The following C12orf42 variants were observed in gnomAD, a reference collection of about 807,000 sequenced individuals.
C12orf42 encodes uncharacterized protein C12orf42.
A neutral mutation model predicts 21.6 loss-of-function variants in C12orf42; 25 were observed. The ratio of observed to expected loss-of-function variants is 1.16; its 90% CI spans 0.84 to 1.62. The LOEUF (loss-of-function observed/expected upper bound fraction) is 1.62, where lower values mean the gene tolerates loss of function less well. C12orf42 is among the 40% of genes most tolerant of loss of function. The pLI is 0.00. For synonymous variants in C12orf42, 174 were observed against 175.0 expected, an observed-to-expected ratio of 0.99 and a Z score of 0.05; for missense variants, 483 against 459.3, an observed-to-expected ratio of 1.05 and a Z score of -0.47.
intron 2 of C12orf42, among the ~76,000 whole-genome samples, chr12:103,444,441 G>A (rs536074442): frequency 7.8e-4 from 118 of 152,062 alleles, no homozygotes; most frequent in African/African-American, 2.8e-3. Context: ...ATATAATACC[G>A]ACTTTTTGAA....
chr12:103,453,974 A>G (rs1356061105), intron 2 of C12orf42, among the ~76,000 whole-genome samples: 1 of 152,064 alleles, frequency 6.6e-6, no homozygotes, highest in Admixed American at 6.6e-5. Flanking sequence ...AAACACCTGG[A>G]TAATTGTTAC....
intron 4 of C12orf42, among the ~76,000 whole-genome samples, chr12:103,318,152 G>T (rs547683477): frequency 5.6e-4 from 85 of 152,188 alleles, no homozygotes; most frequent in African/African-American, 1.9e-3. Flanking sequence ...AGCCAGGTAT[G>T]GTGGCATGTG....
chr12:103,234,564 G>C (rs2033411131), downstream of C12orf42, among the ~76,000 whole-genome samples: 2 of 152,122 alleles, frequency 1.3e-5, no homozygotes, highest in African/African-American at 4.8e-5. Context: ...CTAGTGTACT[G>C]GGGGATCATG....
At chr12:103,226,153 G>C in the C12orf42 span, among the ~76,000 whole-genome samples, 2,036 of 152,338 alleles carry the variant, frequency 0.013, 17 homozygotes, top group South Asian at 0.029. Flanking sequence ...GCAAGCTCCT[G>C]GGGGAGGAGG....
chr12:103,501,348 T>C, the C12orf42 span, among the ~76,000 whole-genome samples: 1 of 152,216 alleles, frequency 6.6e-6, no homozygotes, highest in Non-Finnish European at 1.5e-5. Context: ...GAGATAAAAG[T>C]GTGCCGTTCT....
chr12:103,411,446 T>C (rs1292676210), intron 2 of C12orf42, among the ~76,000 whole-genome samples: 1 of 152,188 alleles, frequency 6.6e-6, no homozygotes, highest in East Asian at 1.9e-4. Flanking sequence ...GAAAGTAAAA[T>C]TGTGATACAA....
the C12orf42 span, among the ~76,000 whole-genome samples, chr12:103,228,421 T>A: frequency 6.6e-6 from 1 of 152,108 alleles, no homozygotes; most frequent in South Asian, 2.1e-4. Context: ...TCTTTTGTAG[T>A]GGAATGTCAT....
the C12orf42 span, among the ~76,000 whole-genome samples, chr12:103,211,865 TC>T: frequency 2.6e-5 from 4 of 152,226 alleles, no homozygotes; most frequent in East Asian, 7.7e-4. Context: ...CAAATATTTT[TC>T]TCAGTCCCTT....
chr12:103,475,137 T>C (rs1296419397), intron 2 of C12orf42, among the ~76,000 whole-genome samples: 4 of 152,206 alleles, frequency 2.6e-5, no homozygotes, highest in African/African-American at 9.7e-5. Context: ...GAGAAGACAA[T>C]TGTTTTCTAT....
At chr12:103,355,585 T>C (rs2043472764) in intron 4 of C12orf42, among the ~76,000 whole-genome samples, 2 of 152,078 alleles carry the variant, frequency 1.3e-5, no homozygotes, top group African/African-American at 4.8e-5. Context: ...CCTCCTGCTG[T>C]ATAGCCAAGG....
chr12:103,167,846 G>A, the C12orf42 span, among the ~76,000 whole-genome samples: 3 of 151,570 alleles, frequency 2.0e-5, no homozygotes, highest in East Asian at 5.8e-4. Flanking sequence ...GAAACAGAAA[G>A]AAATATGTAA....
At chr12:103,229,753 T>G in the C12orf42 span, among the ~76,000 whole-genome samples, 1 of 152,240 alleles carries the variant, frequency 6.6e-6, no homozygotes. Context: ...ATTTTTTACT[T>G]TTATTCTTCT....
the C12orf42 span, among the ~76,000 whole-genome samples, chr12:103,122,200 T>C: frequency 6.6e-6 from 1 of 152,220 alleles, no homozygotes; most frequent in Non-Finnish European, 1.5e-5. Flanking sequence ...TTTCCCCAAC[T>C]CTTCTCTCTG....
At chr12:103,441,561 TGAGC>T (rs1306814067) in intron 2 of C12orf42, 1 of 152,138 alleles carries the variant, frequency 6.6e-6, no homozygotes, top group African/African-American at 2.4e-5. Context: ...TCCAAGGCAA[TGAGC>T]AGCACCTAAT....
the C12orf42 span, among the ~76,000 whole-genome samples, chr12:103,507,283 T>TATATATA: frequency 1.1e-5 from 1 of 90,402 alleles, no homozygotes; most frequent in African/African-American, 4.8e-5. Context: ...TTATATATAT[T>TATATATA]TTTTTTTAAC....
At chr12:103,381,093 A>T (rs557379465) in intron 3 of C12orf42, among the ~76,000 whole-genome samples, 68 of 152,334 alleles carry the variant, frequency 4.5e-4, no homozygotes, top group Middle Eastern at 3.4e-3. Flanking sequence ...ACTCATTCTG[A>T]CACTATCCTG....
At chr12:103,130,596 T>G in the C12orf42 span, among the ~76,000 whole-genome samples, 4 of 152,024 alleles carry the variant, frequency 2.6e-5, no homozygotes, top group Non-Finnish European at 4.4e-5. Context: ...GGGAGTAGGT[T>G]GTGGTTCAGC....
At chr12:103,088,865 A>G in the C12orf42 span, among the ~76,000 whole-genome samples, 33 of 152,132 alleles carry the variant, frequency 2.2e-4, no homozygotes, top group East Asian at 1.4e-3. Flanking sequence ...GCACTTTGGG[A>G]GGCCGAGGAG....
intron 2 of C12orf42, chr12:103,431,156 A>T (rs1330331286): frequency 1.3e-5 from 2 of 152,186 alleles, no homozygotes; most frequent in Non-Finnish European, 1.5e-5. Context: ...TTTATCAAGA[A>T]TGTAATCTCT....
Sources: allele counts gnomAD v4.1 joint callset (sites outside exome capture counted in the v4.1 genomes callset), GRCh38; gene constraint gnomAD v4.1.1; transcripts MANE v1.5; gene names NCBI Gene and HGNC (gene_info 2026-07-23, HGNC 2026-07-21).